The following CFAP74 variants were observed in gnomAD, a reference collection of about 807,000 sequenced individuals.
The protein encoded by CFAP74 is cilia- and flagella-associated protein 74.
A neutral mutation model predicts 188.9 loss-of-function variants in CFAP74; 124 were observed. The observed-to-expected ratio is 0.66, with a 90% CI of 0.57 to 0.76. The LOEUF is 0.76. Among genes scored for constraint, CFAP74 ranks in the 30% least tolerant of loss-of-function variants. The pLI is 0.00. For synonymous variants in CFAP74, 956 were observed against 916.7 expected, an observed-to-expected ratio of 1.04 and a Z score of -0.77; for missense variants, 2,198 against 2,165.2, an observed-to-expected ratio of 1.02 and a Z score of -0.30.
Position 1,944,402 on chromosome 1 carries a change from C to A in CFAP74, c.2415G>T (p.Pro805=), listed in dbSNP as rs762729618. The A allele has an allele frequency of 3.3e-6, 5 of 1,536,136 alleles. No individual in the cohort carries two copies. The South Asian group carries it at 5.9e-5, about 18-fold the overall frequency. The change falls in exon 21 of 39, where the codon CCG becomes CCT. Residue 805 remains proline (P), a synonymous_variant. Coordinates refer to ENST00000682832, the MANE Select transcript of CFAP74 (RefSeq NM_001304360.2). Reference sequence around the variant, plus strand: ...AGATCTTCAGGTCCACGCTGGGCTTCGGCACCCAGACCGGCACATCGATGG... The same window carrying A: ...AGATCTTCAGGTCCACGCTGGGCTTAGGCACCCAGACCGGCACATCGATGG... The part of the protein sequence containing the change: ...GVAIDVPVWV[P]KPSVDLKICM...
chr1:1,954,937 T>A, intron 18 of CFAP74: 1 of 1,194,728 alleles, frequency 8.4e-7, no homozygotes, highest in Non-Finnish European at 1.1e-6. Flanking sequence ...CCACGAACGC[T>A]CCCAAGTGTG....
chr1:1,940,438 C>G, intron 22 of CFAP74, 35 bp from the exon 23 acceptor site: 1 of 1,416,390 alleles, frequency 7.1e-7, no homozygotes, highest in Non-Finnish European at 9.5e-7. Flanking sequence ...GTGCTTTCCT[C>G]TTTCCATTTT....
rs1481084548 is a variant in CFAP74 at position 1,938,988 on chromosome 1, A to T, written c.2878T>A (p.Phe960Ile). The change falls in exon 25 of 39, where the codon TTT becomes ATT. Residue 960 changes from phenylalanine to isoleucine, a missense_variant and splice_region_variant. Phe to Ile is a conservative substitution (Grantham distance 21). Coordinates refer to ENST00000682832, the MANE Select transcript of CFAP74 (RefSeq NM_001304360.2). ...QEFGFVRLPK[F>I]VDVQPNDGFG... ...CCATCGTTGGGTTGGACGTCCACAA[A>T]CTGGAAATAGAAGAGTGCTCTGAGG... is the stretch of plus-strand genomic sequence containing the variant. 5 of 1,535,866 alleles carry T rather than the reference A, an allele frequency of 3.3e-6. No individual in the cohort carries two copies. The highest frequency in any genetic ancestry group is 4.4e-6 in the Non-Finnish European group (5 of 1,146,700).
At chr1:1,963,713 G>T in intron 14 of CFAP74, 36 bp downstream of exon 14, 2 of 1,375,012 alleles carry the variant, frequency 1.5e-6, no homozygotes, top group Non-Finnish European at 2.1e-6. Flanking sequence ...TGCTGTCCCT[G>T]CACCGCGTCC....
chr1:2,000,230 G>C (rs758283433), intron 1 of CFAP74, among the ~76,000 whole-genome samples: 1 of 152,232 alleles, frequency 6.6e-6, no homozygotes, highest in Non-Finnish European at 1.5e-5. Context: ...GAATTTTACT[G>C]TCAAGACCAT....
chr1:1,954,992 AG>A, intron 18 of CFAP74: 2 of 1,148,764 alleles, frequency 1.7e-6, no homozygotes, highest in Non-Finnish European at 2.2e-6. Context: ...CTCTCAGGAA[AG>A]GAAACGCCAC....
intron 26 of CFAP74, among the ~76,000 whole-genome samples, chr1:1,929,817 C>T (rs1012387820): frequency 1.3e-5 from 2 of 152,024 alleles, no homozygotes; most frequent in Non-Finnish European, 2.9e-5. Flanking sequence ...TCCTGCCTCT[C>T]GGGGTCAGGC....
intron 14 of CFAP74, among the ~76,000 whole-genome samples, chr1:1,962,063 C>T (rs890824966): frequency 3.9e-5 from 6 of 152,164 alleles, no homozygotes; most frequent in East Asian, 1.9e-4. Context: ...ACAACGCTCG[C>T]GGGAGTGGAA....
Position 1,952,769 on chromosome 1 carries a change from C to A in CFAP74, c.2176+2922G>T, listed in dbSNP as rs570167969. On this transcript the variant is annotated intron_variant, in intron 18 of 38. Transcript: ENST00000682832. Reference sequence around the variant, plus strand: ...TCCTGGGCTCAAGCCATCTTCCTGCCTTTGTCCCCCAAGTAGCTGGGACTA... The same window carrying A: ...TCCTGGGCTCAAGCCATCTTCCTGCATTTGTCCCCCAAGTAGCTGGGACTA... Among the ~76,000 whole-genome samples the A allele has an allele frequency of 7.2e-5, 11 of 152,170 alleles. No individual in the cohort carries two copies. The Middle Eastern group carries it at 0.014, about 190-fold the overall frequency.
intron 9 of CFAP74, among the ~76,000 whole-genome samples, 172 bp from the exon 10 acceptor site, chr1:1,970,988 GCACA>G (rs138859689): frequency 5.4e-5 from 8 of 147,928 alleles, no homozygotes; most frequent in African/African-American, 2.0e-4. Context: ...GCACACACGT[GCACA>G]CACACACGCA....
chr1:1,930,085 G>A lies in CFAP74; in HGVS notation c.3263C>T (p.Ser1088Leu), dbSNP rs1652244610. 1 of 1,530,098 alleles carries A rather than the reference G, an allele frequency of 6.5e-7. No individual in the cohort carries two copies. Among genetic ancestry groups the A allele is most frequent in the African/African-American group, 1.4e-5 (1 of 72,948 alleles). 94.8% of individuals were successfully genotyped at this position (1,530,098 alleles called of 1,614,324 possible). A position where few individuals can be genotyped will look rare whatever the true frequency, so the allele number is the denominator to read the frequency against. The change falls in exon 26 of 39, where the codon TCA (serine) becomes TTA (leucine). Residue 1088 changes from serine to leucine, a missense_variant. Coordinates refer to ENST00000682832, the MANE Select transcript of CFAP74 (RefSeq NM_001304360.2). Reference protein sequence around the residue: ...PPDSPITISPSVGTVWPGKRC... With the variant: ...PPDSPITISPLVGTVWPGKRC... ...CTTTCCTGGCCACACGGTCCCCACTGAGGGCGAGATGGTGATAGGCGAGTC... is the reference window on the plus strand; with the variant it reads ...CTTTCCTGGCCACACGGTCCCCACTAAGGGCGAGATGGTGATAGGCGAGTC...
At chr1:1,997,986 T>G (rs1273960318) in intron 1 of CFAP74, among the ~76,000 whole-genome samples, 1 of 152,146 alleles carries the variant, frequency 6.6e-6, no homozygotes, top group African/African-American at 2.4e-5. Context: ...ATTAAGAAAT[T>G]ATCAATGTGG....
intron 22 of CFAP74, among the ~76,000 whole-genome samples, chr1:1,941,118 A>G (rs939292802): frequency 6.6e-6 from 1 of 150,594 alleles, no homozygotes. Flanking sequence ...GTCTCAAAAA[A>G]GAAAGAAAGA....
chr1:1,977,738 G>A (rs1483571735), intron 6 of CFAP74, among the ~76,000 whole-genome samples: 1 of 149,208 alleles, frequency 6.7e-6, no homozygotes, highest in Non-Finnish European at 1.5e-5. Flanking sequence ...TCAGCTGATC[G>A]AGGAAACCTG....
At chr1:1,990,468 G>A in intron 2 of CFAP74, among the ~76,000 whole-genome samples, 1 of 151,628 alleles carries the variant, frequency 6.6e-6, no homozygotes, top group Non-Finnish European at 1.5e-5. Flanking sequence ...GTGGGGAGTG[G>A]GGTGGGGGTG....
chr1:1,940,403 T>C lies in CFAP74; in HGVS notation c.2616A>G (p.Arg872=). Residue 872 remains arginine (R), a splice_region_variant and synonymous_variant, in exon 23 of 39, where the codon CGA becomes CGG. Transcript: ENST00000682832. ...TCCCTGCGTCCTCCGGGAGGGAGTG[T>C]CTGAAAGAGGCAGACAAGGCGAATG... ...SYSVQLKFLP[R]HSLPEDAGRY... The C allele has an allele frequency of 6.6e-7, 1 of 1,524,014 alleles. No individual in the cohort carries two copies. Among genetic ancestry groups the C allele is most frequent in the Non-Finnish European group, 8.8e-7 (1 of 1,140,974 alleles). The allele number at this position is 1,524,014 out of a possible 1,614,324, so 94.4% of individuals were successfully genotyped here.
intron 33 of CFAP74, 47 bp downstream of exon 33, chr1:1,925,736 C>A: frequency 6.3e-7 from 1 of 1,579,658 alleles, no homozygotes; most frequent in South Asian, 1.2e-5. Context: ...TGGTGGAAAC[C>A]CCTCCTGGGA....
chr1:1,985,210 G>C lies in CFAP74; in HGVS notation c.500+176C>G, dbSNP rs369243593. 339 of 550,098 alleles carry C rather than the reference G, an allele frequency of 6.2e-4. 6 individuals are homozygous for C. The South Asian group carries it at 8.2e-3, about 13-fold the overall frequency. 34.1% of individuals were successfully genotyped at this position (550,098 alleles called of 1,614,324 possible). Reference sequence around the variant, plus strand: ...AACAAACCCAGAGAAACTGAAAAAGGCAACGTGAAGACTAACCCTTCCAAC... The same window carrying C: ...AACAAACCCAGAGAAACTGAAAAAGCCAACGTGAAGACTAACCCTTCCAAC... On this transcript the variant is annotated intron_variant, in intron 6 of 38. Transcript: ENST00000682832.
chr1:1,985,171 T>C, intron 6 of CFAP74: 1 of 493,898 alleles, frequency 2.0e-6, no homozygotes, highest in South Asian at 3.5e-5. Flanking sequence ...GATTTTGGAG[T>C]TCCTAGGAAC....
Sources: allele counts gnomAD v4.1 joint callset (sites outside exome capture counted in the v4.1 genomes callset), GRCh38; gene constraint gnomAD v4.1.1; transcripts MANE v1.5; gene names NCBI Gene and HGNC (gene_info 2026-07-23, HGNC 2026-07-21).